Variants in OXNAD1 observed in about 807,000 individuals in gnomAD.
OXNAD1 encodes the protein oxidoreductase NAD binding domain containing 1.
OXNAD1 carries 34 observed loss-of-function variants against 32.9 expected under a neutral mutation model. The observed-to-expected ratio is 1.03, with a 90% CI of 0.79 to 1.38. The LOEUF is 1.38. Among genes scored for constraint, OXNAD1 ranks in the 40% most tolerant of loss-of-function variants. The pLI is 0.00. For synonymous variants in OXNAD1, 134 were observed against 135.2 expected (o/e 0.99, Z 0.06); for missense variants, 407 against 379.4 (o/e 1.07, Z -0.60).
chr3:16,345,815 T>TGTGTGC lies in OXNAD1; in HGVS notation c.*31-3358_*31-3357insTGCGTG, dbSNP rs1559843163. Among the ~76,000 whole-genome samples, 1 of 82,346 alleles carries TGTGTGC rather than the reference T, an allele frequency of 1.2e-5. No individual in the cohort carries two copies. Among genetic ancestry groups the TGTGTGC allele is most frequent in the Non-Finnish European group, 2.3e-5 (1 of 43,142 alleles). 54.0% of individuals were successfully genotyped at this position (82,346 alleles called of 152,430 possible). On this transcript the variant is annotated intron_variant, in intron 9 of 9. Coordinates refer to the OXNAD1 transcript ENST00000606098. This position sits in a 1 kb window ranked among gnomAD's most constrained non-coding sequence, Gnocchi z 5.2. ...GTGTGTGTGTGTGTGTGTGTGTGTG[T>TGTGTGC]GTGCGCGCGCGCGTGCGCGCACGCG...
rs1221283425 is a variant in OXNAD1 at position 16,320,501 on chromosome 3, A to G, written c.*31-16611A>G. ...AAAATCTGGGTACACAACACAGGAA[A>G]AAGGTCTTTGCTCTTGTGGAGACTA... On this transcript the variant is annotated intron_variant, in intron 9 of 9. Coordinates refer to the OXNAD1 transcript ENST00000435829. This position sits in a 1 kb window ranked among gnomAD's most constrained non-coding sequence, Gnocchi z 4.5. 6.6e-6 allele frequency among the ~76,000 whole-genome samples: 1 copy of G among 152,242 alleles called. No individual in the cohort carries two copies. The highest frequency in any genetic ancestry group is 2.4e-5 in the African/African-American group (1 of 41,462).
rs984125556 is a variant in OXNAD1, at chr3:16,342,502, T to C, written c.*31-6674T>C. 2.6e-5 allele frequency among the ~76,000 whole-genome samples: 4 copies of C among 152,258 alleles called. No individual in the cohort carries two copies. Among genetic ancestry groups the C allele is most frequent in the African/African-American group, 7.2e-5 (3 of 41,460 alleles). The stretch of plus-strand genomic sequence containing the variant: ...AAGCTGCCATCAACATTAATGTACA[T>C]AGGTCTTTATGTGGACATATGTTTT... On this transcript the variant is annotated intron_variant, in intron 9 of 9. Transcript: ENST00000606098. This position sits in a 1 kb window ranked among gnomAD's most constrained non-coding sequence, Gnocchi z 4.0.
rs1445203097 is a variant in OXNAD1, at chr3:16,329,659, C to T, written c.*31-7453C>T. 6.6e-6 allele frequency among the ~76,000 whole-genome samples: 1 copy of T among 152,188 alleles called. No homozygotes were observed. Among genetic ancestry groups the T allele is most frequent in the Non-Finnish European group, 1.5e-5 (1 of 68,024 alleles). On this transcript the variant is annotated intron_variant, in intron 9 of 9. Coordinates refer to the OXNAD1 transcript ENST00000435829. The surrounding 1 kb of genome is among the most constrained non-coding windows in gnomAD (Gnocchi z 4.5). Reference sequence around the variant, plus strand: ...TTATCCTGAGAATCCCTGCCCCCATCCCCGTATTCCCAGTTTAAAGAGAGG... The same window carrying T: ...TTATCCTGAGAATCCCTGCCCCCATTCCCGTATTCCCAGTTTAAAGAGAGG...
chr3:16,270,347 G>C lies in OXNAD1; in HGVS notation c.-8-598G>C, dbSNP rs190139035. On this transcript the variant is annotated intron_variant, in intron 2 of 8. Coordinates refer to ENST00000285083, the MANE Select transcript of OXNAD1 (RefSeq NM_138381.5). Reference sequence around the variant, plus strand: ...TGGTAATTCATCTGTGTTACTGCATGTAGTTGCAGTTTGTTTTCATTGCTG... The same window carrying C: ...TGGTAATTCATCTGTGTTACTGCATCTAGTTGCAGTTTGTTTTCATTGCTG... Among the ~76,000 whole-genome samples, 3 of 152,330 alleles carry C rather than the reference G, an allele frequency of 2.0e-5. No individual in the cohort carries two copies. The East Asian group carries it at 5.8e-4, about 29-fold the overall frequency.
chr3:16,265,767 G>A lies in OXNAD1; in HGVS notation c.-159+262G>A, dbSNP rs915369257. The A allele has an allele frequency of 8.2e-6, 5 of 610,266 alleles. No individual in the cohort carries two copies. In the Admixed American group the frequency reaches 2.5e-4, roughly 31 times the overall value. 37.8% of individuals were successfully genotyped at this position (610,266 alleles called of 1,614,324 possible). A position where few individuals can be genotyped will look rare whatever the true frequency, so the allele number is the denominator to read the frequency against. On this transcript the variant is annotated intron_variant, in intron 1 of 8. Coordinates refer to ENST00000285083, the MANE Select transcript of OXNAD1 (RefSeq NM_138381.5). The surrounding 1 kb of genome is among the most constrained non-coding windows in gnomAD (Gnocchi z 4.8). ...TCCATTTTATTAATCTTTAAACTGA[G>A]GTACAGAGAGTTGGGCATCTTGACT... is the stretch of plus-strand genomic sequence containing the variant.
Position 16,265,241 on chromosome 3 carries a change from C to G in OXNAD1, c.-423C>G, listed in dbSNP as rs564464852. 1 of 251,624 alleles carries G rather than the reference C, an allele frequency of 4.0e-6. No individual in the cohort carries two copies. Among genetic ancestry groups the G allele is most frequent in the African/African-American group, 2.2e-5 (1 of 44,902 alleles). 15.6% of individuals were successfully genotyped at this position (251,624 alleles called of 1,614,324 possible). A position where few individuals can be genotyped will look rare whatever the true frequency, so the allele number is the denominator to read the frequency against. On this transcript the variant is annotated 5_prime_UTR_variant, in exon 1 of 9. Transcript: ENST00000285083. The surrounding 1 kb of genome is among the most constrained non-coding windows in gnomAD (Gnocchi z 4.8). ...TCCAGGCGCCTGCAACTAAACGTGG[C>G]CGGGTCTGCAAGCTAGGTGCCAGCG...
Position 16,305,891 on chromosome 3 carries a change from TATTA to T in OXNAD1, c.*2333_*2336del, listed in dbSNP as rs2067519898. On this transcript the variant is annotated 3_prime_UTR_variant, in exon 9 of 9. Coordinates refer to ENST00000285083, the MANE Select transcript of OXNAD1 (RefSeq NM_138381.5). This position sits in a 1 kb window ranked among gnomAD's most constrained non-coding sequence, Gnocchi z 4.5. ...GAGCACTGCATGAGTGTGTTGTCGT[TATTA>T]ATTTGCTATTCCTTGTCCTATTCAG... The T allele has an allele frequency of 2.0e-5, 3 of 152,038 alleles. No homozygotes were observed. The highest frequency in any genetic ancestry group is 7.3e-5 in the African/African-American group (3 of 41,354). The allele number at this position is 152,038 out of a possible 1,614,324, so 9.4% of individuals were successfully genotyped here. A position where few individuals can be genotyped will look rare whatever the true frequency, so the allele number is the denominator to read the frequency against.
At chr3:16,337,559 T>C (rs2070974615), downstream of OXNAD1, among the ~76,000 whole-genome samples, 1 of 151,756 alleles carries the variant, frequency 6.6e-6, no homozygotes, top group South Asian at 2.1e-4. The surrounding 1 kb of genome is among the most constrained non-coding windows in gnomAD (Gnocchi z 5.0). Flanking sequence ...CTGGCCAACA[T>C]GGTGAAACCT....
chr3:16,271,090 T>A lies in OXNAD1; in HGVS notation c.119+19T>A. 1.2e-6 allele frequency: 2 copies of A among 1,611,562 alleles called. No individual in the cohort carries two copies. The highest frequency in any genetic ancestry group is 2.2e-5 in the South Asian group (2 of 90,670). ...TAACCAGGTGAGTCATTAAGACTTCTGTGTCATTTGAAGTTAATTTTCAAA... is the reference window on the plus strand; with the variant it reads ...TAACCAGGTGAGTCATTAAGACTTCAGTGTCATTTGAAGTTAATTTTCAAA... On this transcript the variant is annotated intron_variant, in intron 3 of 8. Coordinates refer to ENST00000285083, the MANE Select transcript of OXNAD1 (RefSeq NM_138381.5). This position sits in a 1 kb window ranked among gnomAD's most constrained non-coding sequence, Gnocchi z 4.6.
At chr3:16,273,633 T>C (rs939470925) in intron 4 of OXNAD1, among the ~76,000 whole-genome samples, 3 of 152,162 alleles carry the variant, frequency 2.0e-5, no homozygotes, top group Non-Finnish European at 2.9e-5. Context: ...AAGTGATCCC[T>C]TCTCTTTGGC....
intron 9 of OXNAD1, chr3:16,323,234 G>T: frequency 1.6e-6 from 1 of 629,806 alleles, no homozygotes; most frequent in Admixed American, 3.0e-5. Context: ...GATGTGATTC[G>T]GGTTGCCAGG....
At position 16,346,347 on chromosome 3, in the gene OXNAD1, TG is replaced by T. The variant is rs2071717990; in HGVS notation, c.*31-2828del. ...ATAACTTACTTGTATCACTAAATTT[TG>T]TATATGAAGTGAAATATGGCTGTCT... On this transcript the variant is annotated intron_variant, in intron 9 of 9. Transcript: ENST00000606098. The surrounding 1 kb of genome is among the most constrained non-coding windows in gnomAD (Gnocchi z 4.4). 6.6e-6 allele frequency: 1 copy of T among 152,224 alleles called. No homozygotes were observed. The highest frequency in any genetic ancestry group is 2.4e-5 in the African/African-American group (1 of 41,454). 9.4% of individuals were successfully genotyped at this position (152,224 alleles called of 1,614,324 possible).
intron 4 of OXNAD1, among the ~76,000 whole-genome samples, chr3:16,285,592 A>G (rs903008959): frequency 6.6e-5 from 10 of 152,222 alleles, no homozygotes; most frequent in African/African-American, 2.2e-4. Context: ...AATGGCACAT[A>G]CCTGCATAGC....
At chr3:16,276,500 C>A in intron 4 of OXNAD1, 1 of 167,658 alleles carries the variant, frequency 6.0e-6, no homozygotes, top group Non-Finnish European at 1.2e-5. Context: ...TTACTAGAAA[C>A]CCATCAATCT....
chr3:16,351,535 A>C (rs938832327), downstream of OXNAD1, among the ~76,000 whole-genome samples: 1 of 152,194 alleles, frequency 6.6e-6, no homozygotes, highest in Non-Finnish European at 1.5e-5. This position sits in a 1 kb window ranked among gnomAD's most constrained non-coding sequence, Gnocchi z 5.4. Flanking sequence ...AGAGGCTGTA[A>C]TGATACCCTA....
In OXNAD1 at chr3:16,318,252, G is replaced by C. The variant is rs139427495; in HGVS notation, c.*30+14660G>C. Among the ~76,000 whole-genome samples the C allele has an allele frequency of 3.4e-4, 51 of 152,238 alleles. No homozygotes were observed. The East Asian group carries it at 9.3e-3, about 28-fold the overall frequency. On this transcript the variant is annotated intron_variant, in intron 9 of 9. Transcript: ENST00000435829. ...GGCCCAGAGTGCACGTGGGGTTTTA[G>C]TTTTCAGTTCCCACCATGGCCACTT...
Position 16,302,569 on chromosome 3 carries a change from C to A in OXNAD1, c.676-71C>A. On this transcript the variant is annotated intron_variant, in intron 7 of 8. Transcript: ENST00000285083. The surrounding 1 kb of genome is among the most constrained non-coding windows in gnomAD (Gnocchi z 4.2). ...GTGCAGAATGGGAGTTGAGGTTCAG[C>A]GTCAATGGTTGTGCACATCTGTTTT... is the stretch of plus-strand genomic sequence containing the variant. The A allele has an allele frequency of 2.0e-6, 2 of 998,936 alleles. No individual in the cohort carries two copies. Among genetic ancestry groups the A allele is most frequent in the Non-Finnish European group, 3.1e-6 (2 of 651,054 alleles). 61.9% of individuals were successfully genotyped at this position (998,936 alleles called of 1,614,324 possible).
At chr3:16,325,908 G>C (rs901833776) in intron 9 of OXNAD1, among the ~76,000 whole-genome samples, 1 of 152,196 alleles carries the variant, frequency 6.6e-6, no homozygotes, top group Non-Finnish European at 1.5e-5. Context: ...GGAGCTCTGG[G>C]GGCCACAGCG....
Position 16,298,157 on chromosome 3 carries a change from A to AGCTGC in OXNAD1, c.432+3161_432+3165dup. ...TGAGTCTCTCCGTCAGTGTGGCCTC[A>AGCTGC]GCTGCCTCATTGCTTTTTGGAGTCT... On this transcript the variant is annotated intron_variant, in intron 6 of 8. Coordinates refer to ENST00000285083, the MANE Select transcript of OXNAD1 (RefSeq NM_138381.5). The surrounding 1 kb of genome is among the most constrained non-coding windows in gnomAD (Gnocchi z 5.1). Among the ~76,000 whole-genome samples, 1 of 152,238 alleles carries AGCTGC rather than the reference A, an allele frequency of 6.6e-6. No homozygotes were observed. The highest frequency in any genetic ancestry group is 6.5e-5 in the Admixed American group (1 of 15,294).
Sources: gnomAD v4.1 joint callset for allele counts (sites outside exome capture counted in the v4.1 genomes callset) on GRCh38, gnomAD v4.1.1 for gene constraint, Gnocchi (gnomAD v3.1) non-coding constraint, MANE v1.5 for transcripts, NCBI Gene and HGNC (gene_info 2026-07-23, HGNC 2026-07-21) for gene names.